Variants in UTS2B observed in about 807,000 individuals in gnomAD.
UTS2B encodes the protein urotensin 2B, also known as urotensin-2B.
Under a neutral mutation model 19.2 loss-of-function variants are expected in UTS2B, and 21 were observed. That is an observed-to-expected ratio of 1.09 (90% CI 0.78 to 1.58). UTS2B has a LOEUF of 1.58. UTS2B is among the 40% of genes most tolerant of loss of function. UTS2B has a pLI of 0.00. For missense variants in UTS2B, 138 were observed against 130.3 expected (o/e 1.06, Z -0.29); for synonymous variants, 57 against 50.2 (o/e 1.14, Z -0.58).
At chr3:191,323,249 T>A (rs1163567908) in intron 2 of UTS2B, among the ~76,000 whole-genome samples, 1 of 152,166 alleles carries the variant, frequency 6.6e-6, no homozygotes, top group African/African-American at 2.4e-5. Context: ...AGATCTGGGC[T>A]CACTGCTATT....
intron 2 of UTS2B, 187 bp downstream of exon 2, chr3:191,328,444 C>T (rs1371115773): frequency 1.3e-5 from 2 of 152,260 alleles, no homozygotes; most frequent in Non-Finnish European, 2.9e-5. Context: ...TCATCATCTC[C>T]TAGAGGCAGA....
At chr3:191,339,783 C>A in the UTS2B span, among the ~76,000 whole-genome samples, 4 of 152,194 alleles carry the variant, frequency 2.6e-5, no homozygotes, top group African/African-American at 9.7e-5. Context: ...TACTCTGATA[C>A]TGAAGACTCT....
rs1487931428 is a variant in UTS2B at position 191,278,197 on chromosome 3, C to T, written c.104-27G>A. 7 of 1,247,326 alleles carry T rather than the reference C, an allele frequency of 5.6e-6. No individual in the cohort carries two copies. In the African/African-American group the frequency reaches 1.1e-4, roughly 19 times the overall value. The allele number at this position is 1,247,326 out of a possible 1,614,324, so 77.3% of individuals were successfully genotyped here. A position where few individuals can be genotyped will look rare whatever the true frequency, so the allele number is the denominator to read the frequency against. ...TATAATGATCAAAAACCACCATTTT[C>T]AATTTGAGTCACCGAAAATATTTCT... On this transcript the variant is annotated intron_variant, in intron 5 of 8. Coordinates refer to ENST00000340524, the MANE Select transcript of UTS2B (RefSeq NM_198152.5).
chr3:191,310,265 C>T (rs1717262129), intron 3 of UTS2B, among the ~76,000 whole-genome samples: 2 of 142,738 alleles, frequency 1.4e-5, no homozygotes, highest in African/African-American at 5.1e-5. Context: ...CGCACCCAGC[C>T]AGGTATTTTT....
intron 4 of UTS2B, among the ~76,000 whole-genome samples, chr3:191,285,384 T>G (rs561955960): frequency 6.6e-6 from 1 of 152,144 alleles, no homozygotes; most frequent in East Asian, 1.9e-4. Context: ...CCACTAGAGA[T>G]AAATTTTAAT....
intron 4 of UTS2B, among the ~76,000 whole-genome samples, chr3:191,300,448 A>G (rs1448799044): frequency 1.3e-5 from 2 of 152,188 alleles, no homozygotes; most frequent in African/African-American, 4.8e-5. Context: ...ACTTGTTTTT[A>G]GTTTTACAGG....
At chr3:191,334,628 G>A (rs1718084807), upstream of UTS2B, among the ~76,000 whole-genome samples, 1 of 152,122 alleles carries the variant, frequency 6.6e-6, no homozygotes, top group South Asian at 2.1e-4. Context: ...GTTTAGAACT[G>A]TGAGTAGTTG....
chr3:191,268,692 TAC>T (rs1560130164), intron 8 of UTS2B, among the ~76,000 whole-genome samples: 1 of 152,222 alleles, frequency 6.6e-6, no homozygotes, highest in Non-Finnish European at 1.5e-5. Context: ...CAATGGACAG[TAC>T]AAACTAGAGA....
the UTS2B span, among the ~76,000 whole-genome samples, chr3:191,337,429 C>G: frequency 2.0e-5 from 3 of 151,838 alleles, no homozygotes; most frequent in African/African-American, 7.3e-5. Context: ...GTGTCTAGCT[C>G]TGACGCCCAG....
intron 2 of UTS2B, among the ~76,000 whole-genome samples, chr3:191,316,790 T>C (rs545893569): frequency 1.1e-3 from 174 of 152,284 alleles, no homozygotes; most frequent in Non-Finnish European, 1.8e-3. Context: ...AGGGTGATGA[T>C]TGGTGCATTT....
At chr3:191,269,509 T>C (rs1273331061) in intron 8 of UTS2B, among the ~76,000 whole-genome samples, 2 of 151,826 alleles carry the variant, frequency 1.3e-5, no homozygotes, top group Non-Finnish European at 2.9e-5. Context: ...AGGTTTTTTT[T>C]TTTTTTCTTT....
intron 4 of UTS2B, among the ~76,000 whole-genome samples, chr3:191,285,232 T>TAC (rs112016040): frequency 2.7e-4 from 11 of 40,692 alleles, no homozygotes; most frequent in Non-Finnish European, 1.9e-4. Flanking sequence ...AGTGTAGAGT[T>TAC]ATTTTACGTG....
chr3:191,273,749 T>C (rs1264066325), intron 8 of UTS2B, among the ~76,000 whole-genome samples: 2 of 152,262 alleles, frequency 1.3e-5, no homozygotes, highest in Non-Finnish European at 2.9e-5. Context: ...CTCCTCCAGT[T>C]ATCCTTGGCT....
intron 2 of UTS2B, among the ~76,000 whole-genome samples, chr3:191,324,929 A>C (rs1717705511): frequency 6.6e-6 from 1 of 152,164 alleles, no homozygotes; most frequent in African/African-American, 2.4e-5. Context: ...ACACTCTTGT[A>C]ATCCCAGCTA....
At chr3:191,321,734 T>C (rs1717615411) in intron 2 of UTS2B, among the ~76,000 whole-genome samples, 1 of 152,164 alleles carries the variant, frequency 6.6e-6, no homozygotes, top group Admixed American at 6.5e-5. Context: ...TATAAAAATA[T>C]ATGTGACTAG....
intron 2 of UTS2B, among the ~76,000 whole-genome samples, chr3:191,320,428 A>C (rs1403765319): frequency 2.0e-5 from 3 of 152,242 alleles, no homozygotes; most frequent in Non-Finnish European, 4.4e-5. Flanking sequence ...TGACTTTAGC[A>C]GATGATGCTA....
At chr3:191,282,721 C>A in intron 4 of UTS2B, among the ~76,000 whole-genome samples, 1 of 152,154 alleles carries the variant, frequency 6.6e-6, no homozygotes, top group Non-Finnish European at 1.5e-5. Context: ...TTATTTGCAA[C>A]TATCACTTTG....
intron 8 of UTS2B, among the ~76,000 whole-genome samples, chr3:191,269,901 A>G (rs541549691): frequency 2.0e-5 from 3 of 152,348 alleles, no homozygotes; most frequent in Middle Eastern, 6.8e-3. Context: ...CAATTCCCCA[A>G]TGTTTATAGC....
At chr3:191,308,826 G>A (rs981605104) in intron 3 of UTS2B, among the ~76,000 whole-genome samples, 1 of 152,088 alleles carries the variant, frequency 6.6e-6, no homozygotes, top group African/African-American at 2.4e-5. Context: ...GGATATTGAG[G>A]ATACTTGCTA....
Sources: gnomAD v4.1 joint callset for allele counts (sites outside exome capture counted in the v4.1 genomes callset) on GRCh38, gnomAD v4.1.1 for gene constraint, MANE v1.5 for transcripts, NCBI Gene and HGNC (gene_info 2026-07-23, HGNC 2026-07-21) for gene names.